The following EPHA7 variants were observed in gnomAD, a reference collection of about 807,000 sequenced individuals.
EPHA7 encodes EPH receptor A7, also known as ephrin type-A receptor 7.
A neutral mutation model predicts 112.6 loss-of-function variants in EPHA7; 25 were observed. That is an observed-to-expected ratio of 0.22 (90% CI 0.16 to 0.31). The LOEUF (loss-of-function observed/expected upper bound fraction) is 0.31. Among genes scored for constraint, EPHA7 ranks in the 10% least tolerant of loss-of-function variants. EPHA7 has a pLI of 1.00. For synonymous variants in EPHA7, 437 were observed against 406.5 expected (o/e 1.07, Z -0.90); for missense variants, 962 against 1,212.6 (o/e 0.79, Z 3.07).
chr6:93,341,002 T>C (rs879283710), intron 5 of EPHA7, among the ~76,000 whole-genome samples: 14 of 151,838 alleles, frequency 9.2e-5, no homozygotes, highest in Non-Finnish European at 1.3e-4. Flanking sequence ...GGAATGACAG[T>C]GGAAACTGGA....
intron 3 of EPHA7, among the ~76,000 whole-genome samples, chr6:93,381,450 C>A (rs957425644): frequency 6.6e-6 from 1 of 152,064 alleles, no homozygotes; most frequent in African/African-American, 2.4e-5. Context: ...TTTAGAAAAT[C>A]TTTTTCACTT....
At chr6:93,340,002 T>C (rs909666753) in intron 5 of EPHA7, among the ~76,000 whole-genome samples, 1 of 151,700 alleles carries the variant, frequency 6.6e-6, no homozygotes, top group Non-Finnish European at 1.5e-5. Flanking sequence ...CTGAGAAATA[T>C]AAATTCTCAT....
chr6:93,257,624 T>G, intron 11 of EPHA7, 101 bp from the exon 12 acceptor site: 1 of 749,464 alleles, frequency 1.3e-6, no homozygotes, highest in Non-Finnish European at 2.2e-6. Flanking sequence ...TTTGAAAGAG[T>G]GAGTGTGAGA....
intron 3 of EPHA7, among the ~76,000 whole-genome samples, chr6:93,396,639 C>T (rs1376337484): frequency 6.6e-6 from 1 of 151,764 alleles, no homozygotes; most frequent in East Asian, 1.9e-4. Context: ...AATAGATTTA[C>T]ATGTAACACA....
Position 93,280,450 on chromosome 6 carries a change from T to A in EPHA7, c.1325-8028A>T, listed in dbSNP as rs376125279. ...CACCAATAACCAACAACTCCTTGAATCATTCTTCCTCTGCTTCAACTAATA... is the reference window on the plus strand; with the variant it reads ...CACCAATAACCAACAACTCCTTGAAACATTCTTCCTCTGCTTCAACTAATA... On this transcript the variant is annotated intron_variant, in intron 5 of 16. Coordinates refer to ENST00000369303, the MANE Select transcript of EPHA7 (RefSeq NM_004440.4). Among the ~76,000 whole-genome samples, 12 of 152,332 alleles carry A rather than the reference T, an allele frequency of 7.9e-5. 1 individual carries two copies. Among genetic ancestry groups the A allele is most frequent in the African/African-American group, 2.2e-4 (9 of 41,584 alleles).
At chr6:93,303,558 T>G (rs1773102196) in intron 5 of EPHA7, among the ~76,000 whole-genome samples, 1 of 152,126 alleles carries the variant, frequency 6.6e-6, no homozygotes, top group Non-Finnish European at 1.5e-5. Flanking sequence ...ACATATTACC[T>G]TAAGGAGTAC....
chr6:93,306,548 T>C (rs942212411), intron 5 of EPHA7, among the ~76,000 whole-genome samples: 1 of 151,964 alleles, frequency 6.6e-6, no homozygotes, highest in Non-Finnish European at 1.5e-5. Context: ...TAAAGCTAGG[T>C]CATATTTCAT....
chr6:93,282,535 C>G (rs1771797582), intron 5 of EPHA7, among the ~76,000 whole-genome samples: 1 of 152,262 alleles, frequency 6.6e-6, no homozygotes, highest in Admixed American at 6.5e-5. Context: ...GGCCTTGGCG[C>G]CTACTCTGGC....
rs560595029 is a variant in EPHA7 at position 93,419,258 on chromosome 6, C to T, written c.84G>A (p.Gln28=). 3.7e-6 allele frequency: 6 copies of T among 1,613,628 alleles called. No individual in the cohort carries two copies. The African/African-American group carries it at 8.0e-5, about 22-fold the overall frequency. The change falls in exon 1 of 17, where the codon CAG becomes CAA. Residue 28 remains glutamine (Q), a synonymous_variant. Coordinates refer to ENST00000369303, the MANE Select transcript of EPHA7 (RefSeq NM_004440.4). ...CCATCACCTTACCTTCCTTCGCAGCCTGCGCCTCCCCTGTGTGTGCAAAGC... is the reference window on the plus strand; with the variant it reads ...CCATCACCTTACCTTCCTTCGCAGCTTGCGCCTCCCCTGTGTGTGCAAAGC... ...LLRFAHTGEA[Q]AAKEVLLLDS...
rs866359265 is a variant in EPHA7, at chr6:93,245,210, C to A, written c.2882+88G>T. The A allele has an allele frequency of 5.0e-5, 62 of 1,245,378 alleles. No individual in the cohort carries two copies. The African/African-American group carries it at 8.5e-4, about 17-fold the overall frequency. 77.1% of individuals were successfully genotyped at this position (1,245,378 alleles called of 1,614,324 possible). Reference sequence around the variant, plus strand: ...TTATCTTGATTTTGGGATTCAAATTCTTTTAATATAAAGAAGATAACCTAA... The same window carrying A: ...TTATCTTGATTTTGGGATTCAAATTATTTTAATATAAAGAAGATAACCTAA... On this transcript the variant is annotated intron_variant, in intron 16 of 16. Coordinates refer to ENST00000369303, the MANE Select transcript of EPHA7 (RefSeq NM_004440.4).
chr6:93,334,936 A>G (rs1774787479), intron 5 of EPHA7, among the ~76,000 whole-genome samples: 1 of 152,056 alleles, frequency 6.6e-6, no homozygotes, highest in Non-Finnish European at 1.5e-5. Context: ...TTTTTTCCCC[A>G]GAAATAGGAC....
intron 5 of EPHA7, among the ~76,000 whole-genome samples, chr6:93,281,802 C>T (rs1771753677): frequency 1.3e-5 from 2 of 151,970 alleles, no homozygotes; most frequent in South Asian, 4.1e-4. Context: ...CTTTAAATTT[C>T]CATAGCTATA....
chr6:93,402,929 T>C (rs770273440), intron 3 of EPHA7, among the ~76,000 whole-genome samples: 3 of 152,028 alleles, frequency 2.0e-5, no homozygotes, highest in Non-Finnish European at 4.4e-5. Flanking sequence ...ATGCCTTTTG[T>C]TTCCTCAGAG....
At chr6:93,418,518 G>C (rs993357979) in intron 1 of EPHA7, among the ~76,000 whole-genome samples, 1 of 152,186 alleles carries the variant, frequency 6.6e-6, no homozygotes, top group Non-Finnish European at 1.5e-5. Flanking sequence ...CTGCCTCCAC[G>C]GCCCGACCAA....
At chr6:93,274,473 C>A (rs1287414722) in intron 5 of EPHA7, among the ~76,000 whole-genome samples, 3 of 151,776 alleles carry the variant, frequency 2.0e-5, no homozygotes, top group Admixed American at 2.0e-4. Flanking sequence ...CAATTGGGAA[C>A]TGAAAAAGAA....
chr6:93,283,383 T>A (rs1240926104), intron 5 of EPHA7, among the ~76,000 whole-genome samples: 1 of 152,108 alleles, frequency 6.6e-6, no homozygotes, highest in Non-Finnish European at 1.5e-5. Context: ...AAAAGCAGGC[T>A]GCCCGAGCCA....
intron 5 of EPHA7, among the ~76,000 whole-genome samples, chr6:93,354,607 T>G (rs1219525481): frequency 1.6e-5 from 2 of 128,254 alleles, no homozygotes; most frequent in Non-Finnish European, 3.3e-5. Context: ...ATTGTACATT[T>G]AAATCAACCT....
In EPHA7 at chr6:93,358,313, C is replaced by T. The variant is rs747304855; in HGVS notation, c.931G>A (p.Glu311Lys). 1 of 1,613,586 alleles carries T rather than the reference C, an allele frequency of 6.2e-7. No homozygotes were observed. Among genetic ancestry groups the T allele is most frequent in the South Asian group, 1.1e-5 (1 of 91,032 alleles). The change falls in exon 4 of 17, where the codon GAA (glutamate) becomes AAA (lysine). Residue 311 changes from glutamate (E) to lysine (K), a missense_variant. Transcript: ENST00000369303. Reference sequence around the variant, plus strand: ...GCCCTGTAATACCCATCTTCACATTCACATCTGGAGGAGCCTTCTTTATCA... The same window carrying T: ...GCCCTGTAATACCCATCTTCACATTTACATCTGGAGGAGCCTTCTTTATCA... ...FSDKEGSSRCECEDGYYRAPS... is the reference protein window; with the variant it reads ...FSDKEGSSRCKCEDGYYRAPS...
chr6:93,305,644 C>T (rs1773217952), intron 5 of EPHA7, among the ~76,000 whole-genome samples: 1 of 151,828 alleles, frequency 6.6e-6, no homozygotes, highest in South Asian at 2.1e-4. Flanking sequence ...TTTAGACTTA[C>T]TAGACATATT....
Sources: gnomAD v4.1 joint callset for allele counts (sites outside exome capture counted in the v4.1 genomes callset) on GRCh38, gnomAD v4.1.1 for gene constraint, MANE v1.5 for transcripts, NCBI Gene and HGNC (gene_info 2026-07-23, HGNC 2026-07-21) for gene names.